Variants in SEZ6L observed in about 807,000 individuals in gnomAD.
SEZ6L encodes seizure related 6 homolog like.
Under a neutral mutation model 106.2 loss-of-function variants are expected in SEZ6L, and 37 were observed. That is an observed-to-expected ratio of 0.35 (90% CI 0.27 to 0.46). The LOEUF (loss-of-function observed/expected upper bound fraction) is 0.46. Among genes scored for constraint, SEZ6L ranks in the 20% least tolerant of loss-of-function variants. SEZ6L has a pLI of 1.00. For missense variants in SEZ6L, 1,172 were observed against 1,332.8 expected (o/e 0.88, Z 1.88); for synonymous variants, 541 against 570.4 (o/e 0.95, Z 0.73).
chr22:26,306,686 A>G (rs531826665), intron 6 of SEZ6L, among the ~76,000 whole-genome samples: 7 of 152,370 alleles, frequency 4.6e-5, no homozygotes, highest in African/African-American at 1.7e-4. Flanking sequence ...CCAGAATTAT[A>G]AAACTTTAAT....
intron 1 of SEZ6L, among the ~76,000 whole-genome samples, chr22:26,171,538 G>T (rs1938604558): frequency 6.6e-6 from 1 of 152,226 alleles, no homozygotes; most frequent in Non-Finnish European, 1.5e-5. Context: ...GGCACGTATT[G>T]AATTGTCATC....
At position 26,373,498 on chromosome 22, in the gene SEZ6L, G is replaced by GAA. The variant is rs5844691; in HGVS notation, c.2827+26_2827+27dup. ...TGCTTTAGAAGGTGAGTTCCAGAAC[G>GAA]AAAAAAAAAAAAGTTCAATAAATCA... is the stretch of plus-strand genomic sequence containing the variant. On this transcript the variant is annotated intron_variant, in intron 14 of 16. Transcript: ENST00000248933. The GAA allele has an allele frequency of 0.021, 27,478 of 1,310,394 alleles. 2 individuals carry two copies. Among genetic ancestry groups the GAA allele is most frequent in the East Asian group, 0.052 (1,711 of 32,610 alleles). 81.2% of individuals were successfully genotyped at this position (1,310,394 alleles called of 1,614,324 possible).
rs116970343 is a variant in SEZ6L, at chr22:26,227,247, G to A, written c.94+57484G>A. 3.8e-3 allele frequency among the ~76,000 whole-genome samples: 575 copies of A among 152,248 alleles called. 4 individuals are homozygous for A. The highest frequency in any genetic ancestry group is 6.1e-3 in the Non-Finnish European group (418 of 68,020). On this transcript the variant is annotated intron_variant, in intron 1 of 16. Transcript: ENST00000248933. ...CTCTGCAGCTGAAGGCTGTGTGGCC[G>A]CTTAATTTCTCTGAGCCCCAATTTC...
At chr22:26,234,006 G>A (rs547150251) in intron 1 of SEZ6L, among the ~76,000 whole-genome samples, 1 of 152,314 alleles carries the variant, frequency 6.6e-6, no homozygotes, top group Admixed American at 6.5e-5. Context: ...AGTGAGGCTG[G>A]GAAGCCAGGA....
intron 1 of SEZ6L, among the ~76,000 whole-genome samples, chr22:26,234,576 C>T (rs940152480): frequency 6.6e-6 from 1 of 152,236 alleles, no homozygotes; most frequent in Non-Finnish European, 1.5e-5. Context: ...CAGCATTCTT[C>T]CTCTGTATGA....
intron 1 of SEZ6L, among the ~76,000 whole-genome samples, chr22:26,180,891 G>A (rs1939344851): frequency 1.3e-5 from 2 of 152,240 alleles, no homozygotes; most frequent in Non-Finnish European, 2.9e-5. Context: ...GAAACAGGGA[G>A]AGATGTTTAG....
rs534331377 is a variant in SEZ6L at position 26,304,466 on chromosome 22, T to C, written c.1349-1513T>C. On this transcript the variant is annotated intron_variant, in intron 5 of 16. Transcript: ENST00000248933. ...AAGAAAATTCAAAACTGTTCTCTCA[T>C]ATAGTACGTGAGAAAACAATTTCCT... Among the ~76,000 whole-genome samples, 9 of 151,934 alleles carry C rather than the reference T, an allele frequency of 5.9e-5. No homozygotes were observed. The South Asian group carries it at 1.7e-3, about 28-fold the overall frequency.
intron 1 of SEZ6L, among the ~76,000 whole-genome samples, chr22:26,232,746 G>A (rs2078840935): frequency 6.6e-6 from 1 of 152,136 alleles, no homozygotes; most frequent in Admixed American, 6.5e-5. Flanking sequence ...CTCTCTCATG[G>A]TCACACAACC....
chr22:26,312,036 C>A, intron 8 of SEZ6L, 74 bp downstream of exon 8: 1 of 1,425,308 alleles, frequency 7.0e-7, no homozygotes, highest in Non-Finnish European at 9.7e-7. Flanking sequence ...ACCAAGGCCC[C>A]AGCTTAGAGG....
intron 9 of SEZ6L, among the ~76,000 whole-genome samples, chr22:26,325,927 CCACACACACA>C (rs59284489): frequency 3.1e-4 from 46 of 149,392 alleles, no homozygotes; most frequent in African/African-American, 1.0e-3. Flanking sequence ...ATCACACACA[CCACACACACA>C]CACACACACA....
intron 1 of SEZ6L, among the ~76,000 whole-genome samples, chr22:26,287,242 C>A (rs1230077558): frequency 6.6e-6 from 1 of 152,094 alleles, no homozygotes; most frequent in Non-Finnish European, 1.5e-5. Context: ...CATCAGCGTG[C>A]ATTTAAGGAA....
intron 13 of SEZ6L, among the ~76,000 whole-genome samples, chr22:26,367,440 C>T (rs1413748335): frequency 6.6e-6 from 1 of 152,052 alleles, no homozygotes; most frequent in Non-Finnish European, 1.5e-5. Flanking sequence ...ACCACCTGGG[C>T]TCAAGCTATC....
chr22:26,199,457 G>A (rs897957898), intron 1 of SEZ6L, among the ~76,000 whole-genome samples: 1 of 152,128 alleles, frequency 6.6e-6, no homozygotes, highest in South Asian at 2.1e-4. Flanking sequence ...ATGATGTTGG[G>A]AGCCACTTTA....
chr22:26,290,384 T>C lies in SEZ6L; in HGVS notation c.95-2022T>C, dbSNP rs1217273913. 3.9e-5 allele frequency among the ~76,000 whole-genome samples: 6 copies of C among 152,116 alleles called. No individual in the cohort carries two copies. The South Asian group carries it at 1.0e-3, about 26-fold the overall frequency. ...GTCTCTACTAAAAAATACAAAAAAT[T>C]AGCTGGGCATGGTGGCACGCACCTG... On this transcript the variant is annotated intron_variant, in intron 1 of 16. Coordinates refer to ENST00000248933, the MANE Select transcript of SEZ6L (RefSeq NM_021115.5).
At chr22:26,205,375 A>G (rs1045368392) in intron 1 of SEZ6L, among the ~76,000 whole-genome samples, 1 of 152,152 alleles carries the variant, frequency 6.6e-6, no homozygotes, top group Admixed American at 6.5e-5. Flanking sequence ...CTCACCTAAA[A>G]TGTGCTCCCC....
intron 11 of SEZ6L, among the ~76,000 whole-genome samples, chr22:26,348,537 G>GGAAA (rs1178936883): frequency 2.9e-5 from 2 of 69,370 alleles, no homozygotes; most frequent in African/African-American, 1.4e-4. Context: ...AAGGAAGGAA[G>GGAAA]GAAGGAAGGA....
chr22:26,209,036 G>A (rs1450789111), intron 1 of SEZ6L, among the ~76,000 whole-genome samples: 1 of 151,886 alleles, frequency 6.6e-6, no homozygotes, highest in Non-Finnish European at 1.5e-5. Flanking sequence ...TCATCATTCT[G>A]TTTTTAAGCT....
At chr22:26,251,576 G>T (rs762710611) in intron 1 of SEZ6L, among the ~76,000 whole-genome samples, 1 of 152,222 alleles carries the variant, frequency 6.6e-6, no homozygotes, top group South Asian at 2.1e-4. Flanking sequence ...TGTATTTGGG[G>T]TGGTGGGAGG....
chr22:26,217,319 A>G (rs1348983839), intron 1 of SEZ6L, among the ~76,000 whole-genome samples: 1 of 152,142 alleles, frequency 6.6e-6, no homozygotes, highest in Non-Finnish European at 1.5e-5. Flanking sequence ...CAAGACATGC[A>G]CAATCAGGTC....
Sources: allele counts gnomAD v4.1 joint callset (sites outside exome capture counted in the v4.1 genomes callset), GRCh38; gene constraint gnomAD v4.1.1; transcripts MANE v1.5; gene names NCBI Gene and HGNC (gene_info 2026-07-23, HGNC 2026-07-21).